The following NAALADL2 variants were observed in gnomAD, a reference collection of about 807,000 sequenced individuals.
NAALADL2 encodes the protein inactive N-acetylated-alpha-linked acidic dipeptidase-like protein 2.
In NAALADL2, 76 loss-of-function variants were observed where a neutral mutation model predicts 87.2. The ratio of observed to expected loss-of-function variants is 0.87; its 90% confidence interval spans 0.72 to 1.05. The LOEUF (loss-of-function observed/expected upper bound fraction) is 1.05. NAALADL2 is among the 50% of genes least tolerant of loss of function. The pLI, the probability that NAALADL2 is intolerant of heterozygous loss-of-function variation, is 0.00. For missense variants in NAALADL2, 1,089 were observed against 945.8 expected (o/e 1.15, Z -1.99); for synonymous variants, 354 against 331.0 (o/e 1.07, Z -0.75).
At chr3:174,794,981 C>CTTTTTTTTTTTTTTTCTTTTTTTTT (rs1717907690) in intron 3 of NAALADL2, among the ~76,000 whole-genome samples, 1 of 66,696 alleles carries the variant, frequency 1.5e-5, no homozygotes, top group African/African-American at 5.9e-5. Context: ...TCTAGTCCAG[C>CTTTTTTTTTTTTTTTCTTTTTTTTT]TTTTTTTTTT....
intron 2 of NAALADL2, among the ~76,000 whole-genome samples, chr3:175,217,091 A>G (rs778163970): frequency 6.6e-6 from 1 of 152,220 alleles, no homozygotes; most frequent in Non-Finnish European, 1.5e-5. Flanking sequence ...GGTGTTTTGC[A>G]TACTCTTGTT....
rs558391939 is a variant in NAALADL2, at chr3:175,715,390, T to C, written c.1897-21916T>C. On this transcript the variant is annotated intron_variant, in intron 11 of 13. Transcript: ENST00000454872. ...TTTAAAATCTCATATCTTTCTTTGG[T>C]CTATCTCTAATTGGTACATATATGC... is the stretch of plus-strand genomic sequence containing the variant. Among the ~76,000 whole-genome samples the C allele has an allele frequency of 2.0e-5, 3 of 152,330 alleles. No homozygotes were observed. In the South Asian group the frequency reaches 6.2e-4, roughly 32 times the overall value.
chr3:174,752,222 T>A (rs889771567), intron 3 of NAALADL2, among the ~76,000 whole-genome samples: 2 of 152,078 alleles, frequency 1.3e-5, no homozygotes, highest in African/African-American at 4.8e-5. Context: ...ATGATCCACC[T>A]GTCTCGGCCT....
intron 3 of NAALADL2, among the ~76,000 whole-genome samples, chr3:174,770,714 C>T (rs1018086356): frequency 1.3e-5 from 2 of 151,952 alleles, no homozygotes; most frequent in African/African-American, 4.8e-5. Context: ...GTGGTGGGCA[C>T]CTGCAGTCCC....
chr3:175,217,177 T>A (rs1046205130), intron 2 of NAALADL2, among the ~76,000 whole-genome samples: 3 of 152,210 alleles, frequency 2.0e-5, no homozygotes, highest in Non-Finnish European at 4.4e-5. Flanking sequence ...TTTTTGGTTA[T>A]GTATGCAATG....
intron 5 of NAALADL2, among the ~76,000 whole-genome samples, chr3:175,373,994 T>G (rs1367111880): frequency 1.3e-5 from 2 of 152,158 alleles, no homozygotes; most frequent in Non-Finnish European, 1.5e-5. Flanking sequence ...TGTATATATG[T>G]GTACATACTT....
chr3:175,527,620 C>T (rs1002512214), intron 9 of NAALADL2, among the ~76,000 whole-genome samples: 5 of 152,082 alleles, frequency 3.3e-5, no homozygotes, highest in Admixed American at 1.3e-4. Flanking sequence ...ACATCCCCCT[C>T]ACAATATGTG....
chr3:175,282,513 A>T (rs2110087801), intron 4 of NAALADL2, among the ~76,000 whole-genome samples: 1 of 152,160 alleles, frequency 6.6e-6, no homozygotes, highest in African/African-American at 2.4e-5. Context: ...AAAGAATATC[A>T]TCTGAATAAA....
chr3:174,900,860 A>T (rs1181736125), intron 1 of NAALADL2, among the ~76,000 whole-genome samples: 1 of 152,118 alleles, frequency 6.6e-6, no homozygotes, highest in Non-Finnish European at 1.5e-5. Flanking sequence ...AGTAAAATAC[A>T]TATCAGTAAG....
intron 1 of NAALADL2, among the ~76,000 whole-genome samples, chr3:174,453,707 A>T (rs551693959): frequency 1.3e-5 from 2 of 152,342 alleles, no homozygotes; most frequent in Non-Finnish European, 2.9e-5. Flanking sequence ...CATAGAAGCA[A>T]ATACTGAGGG....
intron 9 of NAALADL2, among the ~76,000 whole-genome samples, chr3:175,492,436 T>C (rs2149347581): frequency 6.6e-6 from 1 of 152,192 alleles, no homozygotes; most frequent in East Asian, 1.9e-4. Context: ...TTAAGATATA[T>C]GGAGTATAAA....
chr3:175,537,594 T>G (rs1343795728), intron 9 of NAALADL2, among the ~76,000 whole-genome samples: 1 of 152,202 alleles, frequency 6.6e-6, no homozygotes, highest in Non-Finnish European at 1.5e-5. Context: ...GACTTAGAAC[T>G]AATTTAAGAT....
chr3:174,533,777 A>G (rs1226241226), intron 1 of NAALADL2, among the ~76,000 whole-genome samples: 1 of 152,282 alleles, frequency 6.6e-6, no homozygotes, highest in East Asian at 1.9e-4. Context: ...CATCATTCCA[A>G]AGTATCCTCA....
At chr3:174,763,314 C>T (rs371909075) in intron 3 of NAALADL2, among the ~76,000 whole-genome samples, 18 of 151,900 alleles carry the variant, frequency 1.2e-4, no homozygotes, top group South Asian at 2.1e-4. Flanking sequence ...GTTGGCCGGG[C>T]GCAGTGGCTC....
chr3:175,605,647 T>TTTTTTTGTTTC (rs1395113608), intron 10 of NAALADL2, among the ~76,000 whole-genome samples: 2 of 149,716 alleles, frequency 1.3e-5, no homozygotes, highest in Admixed American at 6.7e-5. Context: ...CTTGTTTTTT[T>TTTTTTTGTTTC]TTTTTTTTTA....
chr3:175,247,999 T>G (rs1748307264), intron 3 of NAALADL2, among the ~76,000 whole-genome samples: 1 of 152,216 alleles, frequency 6.6e-6, no homozygotes, highest in South Asian at 2.1e-4. Context: ...CTGCTAAGTT[T>G]TTATAGAATC....
At chr3:174,984,228 A>G (rs1196576977) in intron 1 of NAALADL2, among the ~76,000 whole-genome samples, 1 of 152,250 alleles carries the variant, frequency 6.6e-6, no homozygotes, top group Non-Finnish European at 1.5e-5. Context: ...AATCACTGTC[A>G]TATAAAACTA....
intron 2 of NAALADL2, among the ~76,000 whole-genome samples, chr3:174,580,475 T>A (rs1309677117): frequency 6.6e-6 from 1 of 152,098 alleles, no homozygotes; most frequent in Non-Finnish European, 1.5e-5. Context: ...TTTTTACTCA[T>A]GTATATACAT....
At chr3:174,613,005 C>T (rs1578318973) in intron 2 of NAALADL2, among the ~76,000 whole-genome samples, 2 of 152,296 alleles carry the variant, frequency 1.3e-5, no homozygotes, top group African/African-American at 4.8e-5. Flanking sequence ...TTAGGGGGCA[C>T]CTCAAGCCCA....
Sources: allele counts gnomAD v4.1 joint callset (sites outside exome capture counted in the v4.1 genomes callset), GRCh38; gene constraint gnomAD v4.1.1; transcripts MANE v1.5; gene names NCBI Gene and HGNC (gene_info 2026-07-23, HGNC 2026-07-21).